The following CFHR3 variants were observed in gnomAD, a reference collection of about 807,000 sequenced individuals.
The protein encoded by CFHR3 is complement factor H-related protein 3.
CFHR3 carries 22 observed loss-of-function variants against 36.0 expected under a neutral mutation model. The observed-to-expected ratio is 0.61, with a 90% CI of 0.44 to 0.87. The LOEUF is 0.87. CFHR3 is among the 40% of genes least tolerant of loss of function. The pLI, the probability that CFHR3 is intolerant of heterozygous loss-of-function variation, is 0.00. For missense variants in CFHR3, 276 were observed against 401.3 expected, an observed-to-expected ratio of 0.69 and a Z score of 2.67; for synonymous variants, 97 against 137.4, an observed-to-expected ratio of 0.71 and a Z score of 2.06.
In CFHR3 at chr1:196,793,307, C is replaced by T; in HGVS notation, c.797-10C>T. The T allele has an allele frequency of 2.7e-6, 4 of 1,495,226 alleles. No homozygotes were observed. Among genetic ancestry groups the T allele is most frequent in the Non-Finnish European group, 3.6e-6 (4 of 1,107,754 alleles). 92.6% of individuals were successfully genotyped at this position (1,495,226 alleles called of 1,614,324 possible). ...AATTATGATTGTTAATTGTTTTTTT[C>T]TGCTTTCAGATCCATGTATAATAAC... On this transcript the variant is annotated splice_polypyrimidine_tract_variant and intron_variant, in intron 5 of 5. Transcript: ENST00000367425.
At position 196,793,658 on chromosome 1, in the gene CFHR3, G is replaced by A. The variant is rs1573129874; in HGVS notation, c.*145G>A. On this transcript the variant is annotated 3_prime_UTR_variant, in exon 6 of 6. Transcript: ENST00000367425. ...AAAATTAATATAATAGTTTCAATTT[G>A]CAACTTAATATATTCTCAAAAATAT... 1.3e-6 allele frequency: 1 copy of A among 775,136 alleles called. No homozygotes were observed. The highest frequency in any genetic ancestry group is 2.9e-5 in the East Asian group (1 of 34,268). 48.0% of individuals were successfully genotyped at this position (775,136 alleles called of 1,614,324 possible). A position where few individuals can be genotyped will look rare whatever the true frequency, so the allele number is the denominator to read the frequency against.
At position 196,784,939 on chromosome 1, in the gene CFHR3, T is replaced by G. The variant is rs1654130491; in HGVS notation, c.431-3277T>G. Among the ~76,000 whole-genome samples, 2 of 137,670 alleles carry G rather than the reference T, an allele frequency of 1.5e-5. 1 individual carries two copies. The highest frequency in any genetic ancestry group is 6.1e-5 in the African/African-American group (2 of 32,972). The allele number at this position is 137,670 out of a possible 152,430, so 90.3% of individuals were successfully genotyped here. ...TTTGGCATGATTTTGCAGTGGCTGG[T>G]ACCAGTTGTTCCTTTCCATGTTTAG... On this transcript the variant is annotated intron_variant, in intron 3 of 5. Coordinates refer to ENST00000367425, the MANE Select transcript of CFHR3 (RefSeq NM_021023.6).
chr1:196,775,628 C>A (rs1653681321), intron 1 of CFHR3, among the ~76,000 whole-genome samples: 1 of 136,994 alleles, frequency 7.3e-6, no homozygotes, highest in Non-Finnish European at 1.6e-5. Flanking sequence ...TCATTGTTCA[C>A]TGATTTCTCC....
chr1:196,775,690 C>A (rs1250332113), intron 1 of CFHR3, among the ~76,000 whole-genome samples: 2 of 136,708 alleles, frequency 1.5e-5, no homozygotes, highest in Admixed American at 1.4e-4. Context: ...GCAGGCCTTG[C>A]ATATTAAAGA....
At chr1:196,787,379 C>G (rs1348875012) in intron 3 of CFHR3, among the ~76,000 whole-genome samples, 1 of 136,880 alleles carries the variant, frequency 7.3e-6, no homozygotes, top group Non-Finnish European at 1.6e-5. Flanking sequence ...AAGAATAGAT[C>G]AGAAAACTCA....
chr1:196,780,198 T>C lies in CFHR3; in HGVS notation c.430+225T>C, dbSNP rs1653889682. On this transcript the variant is annotated intron_variant, in intron 3 of 5. Coordinates refer to ENST00000367425, the MANE Select transcript of CFHR3 (RefSeq NM_021023.6). ...TAATGGGCATTAGTCAAGAATACAG[T>C]AAAAGAATTAGAACACAATACTTGT... 1.5e-5 allele frequency among the ~76,000 whole-genome samples: 2 copies of C among 137,536 alleles called. 1 individual carries two copies. The highest frequency in any genetic ancestry group is 1.4e-4 in the Admixed American group (2 of 14,256). 90.2% of individuals were successfully genotyped at this position (137,536 alleles called of 152,430 possible). A position where few individuals can be genotyped will look rare whatever the true frequency, so the allele number is the denominator to read the frequency against.
rs28584747 is a variant in CFHR3 at position 196,791,332 on chromosome 1, G to T, written c.796+1105G>T. Among the ~76,000 whole-genome samples the T allele has an allele frequency of 1.5e-5, 2 of 136,502 alleles. 1 individual carries two copies. The highest frequency in any genetic ancestry group is 3.1e-5 in the Non-Finnish European group (2 of 64,510). The allele number at this position is 136,502 out of a possible 152,430, so 89.6% of individuals were successfully genotyped here. Reference sequence around the variant, plus strand: ...CAACTCAAAAAATATAAGCCACAATGATTATGGCAACAACAAGAAAACCTA... The same window carrying T: ...CAACTCAAAAAATATAAGCCACAATTATTATGGCAACAACAAGAAAACCTA... On this transcript the variant is annotated intron_variant, in intron 5 of 5. Coordinates refer to ENST00000367425, the MANE Select transcript of CFHR3 (RefSeq NM_021023.6).
chr1:196,788,842 T>G, intron 4 of CFHR3: 3 of 1,453,174 alleles, frequency 2.1e-6, no homozygotes, highest in Non-Finnish European at 2.7e-6. Flanking sequence ...GTCAGGAGAA[T>G]CAGACCTTAA....
rs1312362990 is a variant in CFHR3, at chr1:196,788,792, CG to C, written c.613+399del. Reference sequence around the variant, plus strand: ...TCACGCTCAGAAAAGTTGTACATGTCGGGGGAGAAATGAGTGCTTAATTCTG... The same window carrying C: ...TCACGCTCAGAAAAGTTGTACATGTCGGGGAGAAATGAGTGCTTAATTCTG... On this transcript the variant is annotated intron_variant, in intron 4 of 5. Transcript: ENST00000367425. The C allele has an allele frequency of 3.1e-5, 45 of 1,456,730 alleles. 8 individuals carry two copies. The highest frequency in any genetic ancestry group is 3.6e-5 in the Non-Finnish European group (40 of 1,099,752). 90.2% of individuals were successfully genotyped at this position (1,456,730 alleles called of 1,614,324 possible). A position where few individuals can be genotyped will look rare whatever the true frequency, so the allele number is the denominator to read the frequency against.
chr1:196,788,755 T>C lies in CFHR3; in HGVS notation c.613+357T>C, dbSNP rs1219443544. ...TTTCAAAATTATCAGCTGCTTGTAT[T>C]GCATTCCGTGCTCACGCTCAGAAAA... On this transcript the variant is annotated intron_variant, in intron 4 of 5. Transcript: ENST00000367425. 2.1e-6 allele frequency: 3 copies of C among 1,451,586 alleles called. No individual in the cohort carries two copies. In the East Asian group the frequency reaches 7.4e-5, roughly 36 times the overall value. The allele number at this position is 1,451,586 out of a possible 1,614,324, so 89.9% of individuals were successfully genotyped here.
Position 196,779,697 on chromosome 1 carries a change from G to C in CFHR3, c.254-100G>C. 5 of 1,350,530 alleles carry C rather than the reference G, an allele frequency of 3.7e-6. 1 individual carries two copies. Among genetic ancestry groups the C allele is most frequent in the Non-Finnish European group, 4.9e-6 (5 of 1,016,384 alleles). 83.7% of individuals were successfully genotyped at this position (1,350,530 alleles called of 1,614,324 possible). On this transcript the variant is annotated intron_variant, in intron 2 of 5. Transcript: ENST00000367425. ...TTGTACATTATTTTTGGATGTTTAT[G>C]CGATCTTATTTAAATATGGTAACAA...
rs1653818406 is a variant in CFHR3, at chr1:196,778,465, T to TTA, written c.59-693_59-692dup. On this transcript the variant is annotated intron_variant, in intron 1 of 5. Coordinates refer to ENST00000367425, the MANE Select transcript of CFHR3 (RefSeq NM_021023.6). ...TCCAGAATTATAGAAGAAACATAAA[T>TTA]TATATGCTATTTAAATTATGGTATT... is the stretch of plus-strand genomic sequence containing the variant. Among the ~76,000 whole-genome samples the TTA allele has an allele frequency of 1.5e-5, 2 of 137,076 alleles. 1 individual carries two copies. Among genetic ancestry groups the TTA allele is most frequent in the South Asian group, 5.0e-4 (2 of 3,962 alleles). 89.9% of individuals were successfully genotyped at this position (137,076 alleles called of 152,430 possible).
In CFHR3 at chr1:196,775,334, T is replaced by A. The variant is rs750990818; in HGVS notation, c.58+390T>A. Reference sequence around the variant, plus strand: ...TTGGGAGTGACTGATGTTTTCATAATCTTACATATGGTGATTTTTATAGAT... The same window carrying A: ...TTGGGAGTGACTGATGTTTTCATAAACTTACATATGGTGATTTTTATAGAT... On this transcript the variant is annotated intron_variant, in intron 1 of 5. Transcript: ENST00000367425. Among the ~76,000 whole-genome samples the A allele has an allele frequency of 3.7e-5, 5 of 136,736 alleles. 2 individuals are homozygous for A. The highest frequency in any genetic ancestry group is 7.8e-5 in the Non-Finnish European group (5 of 64,328). 89.7% of individuals were successfully genotyped at this position (136,736 alleles called of 152,430 possible). A position where few individuals can be genotyped will look rare whatever the true frequency, so the allele number is the denominator to read the frequency against.
chr1:196,785,537 G>A (rs7416290), intron 3 of CFHR3, among the ~76,000 whole-genome samples: 34,921 of 133,974 alleles, frequency 0.26, 8,914 homozygotes, highest in East Asian at 0.41. Flanking sequence ...TTCCCTTCTC[G>A]CTTCATTTCA....
intron 3 of CFHR3, among the ~76,000 whole-genome samples, chr1:196,785,451 T>G (rs866403986): frequency 7.4e-6 from 1 of 134,258 alleles, no homozygotes; most frequent in South Asian, 2.6e-4. Context: ...CAATCAGATG[T>G]AGATTTGGTC....
Position 196,793,996 on chromosome 1 carries a change from G to C in CFHR3, c.*483G>C, listed in dbSNP as rs390837. The C allele has an allele frequency of 0.3, 42,991 of 142,098 alleles. 12,840 individuals carry two copies. The highest frequency in any genetic ancestry group is 0.54 in the African/African-American group (17,204 of 32,020). 8.8% of individuals were successfully genotyped at this position (142,098 alleles called of 1,614,324 possible). ...TTTTTATTAAAAGTAGTGTTTCCTG[G>C]CAAACACTGACATTACATCATTATC... On this transcript the variant is annotated 3_prime_UTR_variant, in exon 6 of 6. Transcript: ENST00000367425.
rs545382072 is a variant in CFHR3, at chr1:196,776,581, G to A, written c.58+1637G>A. On this transcript the variant is annotated intron_variant, in intron 1 of 5. Coordinates refer to ENST00000367425, the MANE Select transcript of CFHR3 (RefSeq NM_021023.6). The stretch of plus-strand genomic sequence containing the variant: ...TAAGAAGAGAAAATAAGAACACACC[G>A]TATAGGGAAAGATCACGCAAGGCAT... Among the ~76,000 whole-genome samples the A allele has an allele frequency of 4.2e-4, 57 of 136,392 alleles. 11 individuals are homozygous for A. Among genetic ancestry groups the A allele is most frequent in the African/African-American group, 1.2e-3 (38 of 32,546 alleles). 89.5% of individuals were successfully genotyped at this position (136,392 alleles called of 152,430 possible).
intron 1 of CFHR3, among the ~76,000 whole-genome samples, chr1:196,777,128 C>A (rs1653754113): frequency 7.4e-6 from 1 of 135,656 alleles, no homozygotes; most frequent in African/African-American, 3.1e-5. Context: ...CTTTTGGAAG[C>A]CACGCTATTT....
intron 3 of CFHR3, among the ~76,000 whole-genome samples, chr1:196,786,514 C>T (rs1372018432): frequency 7.4e-6 from 1 of 134,370 alleles, no homozygotes; most frequent in East Asian, 2.0e-4. Context: ...AATGGCAGGC[C>T]CCCCTCCCCC....
Sources: allele counts gnomAD v4.1 joint callset (sites outside exome capture counted in the v4.1 genomes callset), GRCh38; gene constraint gnomAD v4.1.1; transcripts MANE v1.5; gene names NCBI Gene and HGNC (gene_info 2026-07-23, HGNC 2026-07-21).